NPAS2: variants seen among roughly 807,000 people sequenced by gnomAD.
NPAS2 encodes neuronal PAS domain protein 2.
A neutral mutation model predicts 107.5 loss-of-function variants in NPAS2; 23 were observed. The ratio of observed to expected loss-of-function variants is 0.21; its 90% CI spans 0.15 to 0.30. The LOEUF (loss-of-function observed/expected upper bound fraction) is 0.30, where lower values mean the gene tolerates loss of function less well. Among genes scored for constraint, NPAS2 ranks in the 10% least tolerant of loss-of-function variants. The pLI, the probability that NPAS2 is intolerant of heterozygous loss-of-function variation, is 1.00. For synonymous variants in NPAS2, 403 were observed against 417.5 expected, an observed-to-expected ratio of 0.97 and a Z score of 0.42; for missense variants, 756 against 1,043.3, an observed-to-expected ratio of 0.72 and a Z score of 3.79.
At chr2:100,952,592 A>C (rs909327169) in intron 7 of NPAS2, among the ~76,000 whole-genome samples, 13 of 152,140 alleles carry the variant, frequency 8.5e-5, no homozygotes, top group Non-Finnish European at 1.9e-4. Flanking sequence ...ACAACAACAA[A>C]AAACTAGCCT....
chr2:100,821,089 T>TCTGAA, intron 1 of NPAS2: 1 of 1,304,516 alleles, frequency 7.7e-7, no homozygotes, highest in Non-Finnish European at 1.0e-6. Context: ...GACGCACCTT[T>TCTGAA]GACCTTTCTG....
intron 1 of NPAS2, among the ~76,000 whole-genome samples, chr2:100,835,258 T>A (rs1676986246): frequency 6.6e-6 from 1 of 152,244 alleles, no homozygotes; most frequent in African/African-American, 2.4e-5. Context: ...TGAATTTCAC[T>A]GTTTAGAGAA....
chr2:100,930,734 A>G (rs1030151641), intron 3 of NPAS2, among the ~76,000 whole-genome samples: 1 of 152,188 alleles, frequency 6.6e-6, no homozygotes, highest in African/African-American at 2.4e-5. Context: ...TAGCGTTAAC[A>G]AAATACCCAG....
chr2:100,821,110 C>T (rs936441238), intron 1 of NPAS2: 3 of 1,304,674 alleles, frequency 2.3e-6, no homozygotes, highest in Non-Finnish European at 3.0e-6. Flanking sequence ...AAGAGCTGGG[C>T]AGGTCGGTAA....
At position 100,964,164 on chromosome 2, in the gene NPAS2, A is replaced by G. The variant is rs369301438; in HGVS notation, c.705A>G (p.Pro235=). 3.4e-5 allele frequency: 54 copies of G among 1,609,376 alleles called. No individual in the cohort carries two copies. In the African/African-American group the frequency reaches 6.1e-4, roughly 18 times the overall value. The stretch of plus-strand genomic sequence containing the variant: ...TTGCCACCGTTCGTCTGGCAACACC[A>G]CAATTCTTAAAGGCAAGTACCTGAG... ...CFIATVRLAT[P]QFLKEMCIVD... is the part of the protein sequence containing the mutation. Residue 235 remains proline (P), a synonymous_variant, in exon 8 of 21, where the codon CCA becomes CCG. Coordinates refer to ENST00000335681, the MANE Select transcript of NPAS2 (RefSeq NM_002518.4).
chr2:100,834,070 GC>G (rs1676907806), intron 1 of NPAS2, among the ~76,000 whole-genome samples: 1 of 152,122 alleles, frequency 6.6e-6, no homozygotes, highest in Admixed American at 6.5e-5. Flanking sequence ...AAGCAAAGAG[GC>G]CTTTGCTGAC....
Position 100,853,974 on chromosome 2 carries a change from CAA to C in NPAS2, c.-23+33576_-23+33577del, listed in dbSNP as rs5832937. On this transcript the variant is annotated intron_variant, in intron 1 of 20. Transcript: ENST00000335681. ...GCAGGAAGATGGCTTCAGCCCACGA[CAA>C]AAAAAAAAAAAAAAACACAAAAAAT... Among the ~76,000 whole-genome samples, 1,029 of 116,214 alleles carry C rather than the reference CAA, an allele frequency of 8.9e-3. 12 individuals are homozygous for C. The highest frequency in any genetic ancestry group is 0.018 in the African/African-American group (528 of 29,912). 76.2% of individuals were successfully genotyped at this position (116,214 alleles called of 152,430 possible). A position where few individuals can be genotyped will look rare whatever the true frequency, so the allele number is the denominator to read the frequency against.
intron 1 of NPAS2, among the ~76,000 whole-genome samples, chr2:100,904,041 G>A (rs749538968): frequency 3.3e-5 from 5 of 152,132 alleles, no homozygotes; most frequent in South Asian, 2.1e-4. Flanking sequence ...GTGCACCTTC[G>A]CTGTCTCAAG....
At chr2:100,946,490 G>A (rs541534904) in intron 5 of NPAS2, among the ~76,000 whole-genome samples, 1 of 152,176 alleles carries the variant, frequency 6.6e-6, no homozygotes, top group African/African-American at 2.4e-5. Flanking sequence ...GGTGAGGCTC[G>A]GGGAGAACAG....
chr2:100,833,024 C>A (rs909891614), intron 1 of NPAS2, among the ~76,000 whole-genome samples: 1 of 152,190 alleles, frequency 6.6e-6, no homozygotes, highest in African/African-American at 2.4e-5. Flanking sequence ...GCAGCTCTTG[C>A]ATCTATTGCA....
chr2:100,928,384 TGCCACCGAGAA>T (rs1398666998), intron 3 of NPAS2, among the ~76,000 whole-genome samples: 1 of 150,980 alleles, frequency 6.6e-6, no homozygotes, highest in Admixed American at 6.6e-5. Context: ...ACTAGGTCAT[TGCCACCGAGAA>T]GCAGGACAGC....
intron 1 of NPAS2, among the ~76,000 whole-genome samples, chr2:100,890,505 G>A (rs371974411): frequency 9.2e-5 from 14 of 152,230 alleles, no homozygotes; most frequent in African/African-American, 3.1e-4. Flanking sequence ...AGTACCACAG[G>A]TGTCCCTGTA....
chr2:100,891,167 G>C (rs536557437), intron 1 of NPAS2, among the ~76,000 whole-genome samples: 2 of 151,764 alleles, frequency 1.3e-5, no homozygotes, highest in East Asian at 3.9e-4. Context: ...GGGGGGTGGA[G>C]CTTGCAGTGA....
At chr2:100,986,575 A>G (rs569579656) in intron 16 of NPAS2, 3 of 152,372 alleles carry the variant, frequency 2.0e-5, no homozygotes, top group Non-Finnish European at 4.4e-5. Context: ...TGATAGACAC[A>G]GTGCCATCTG....
intron 1 of NPAS2, among the ~76,000 whole-genome samples, chr2:100,824,946 G>A (rs1386111978): frequency 2.0e-5 from 3 of 152,158 alleles, no homozygotes; most frequent in Non-Finnish European, 4.4e-5. Flanking sequence ...GGGTGAGGGT[G>A]GAGACGAGAG....
chr2:100,929,370 C>CT (rs538669642), intron 3 of NPAS2, among the ~76,000 whole-genome samples: 2 of 152,210 alleles, frequency 1.3e-5, no homozygotes, highest in Non-Finnish European at 2.9e-5. Context: ...AAGGGGTGAT[C>CT]TACAGGGCTT....
At chr2:100,943,123 C>T (rs919731048) in intron 5 of NPAS2, among the ~76,000 whole-genome samples, 2 of 152,112 alleles carry the variant, frequency 1.3e-5, no homozygotes, top group African/African-American at 4.8e-5. Flanking sequence ...TACTAAGTAA[C>T]ACCAGAATGA....
intron 7 of NPAS2, among the ~76,000 whole-genome samples, chr2:100,953,008 G>A (rs1411897371): frequency 6.6e-6 from 1 of 152,088 alleles, no homozygotes; most frequent in Non-Finnish European, 1.5e-5. Flanking sequence ...ATGTAACTGT[G>A]GAGTACGTGA....
intron 7 of NPAS2, among the ~76,000 whole-genome samples, chr2:100,952,393 C>T (rs12712086): frequency 0.14 from 21,241 of 151,674 alleles, 1,689 homozygotes; most frequent in Non-Finnish European, 0.18. Context: ...GGAGAAACCC[C>T]GTCTCTACTA....
Sources: gnomAD v4.1 joint callset for allele counts (sites outside exome capture counted in the v4.1 genomes callset) on GRCh38, gnomAD v4.1.1 for gene constraint, MANE v1.5 for transcripts, NCBI Gene and HGNC (gene_info 2026-07-23, HGNC 2026-07-21) for gene names.